The following CFAP74 variants were observed in gnomAD, a reference collection of about 807,000 sequenced individuals.
The protein encoded by CFAP74 is cilia- and flagella-associated protein 74.
CFAP74 carries 124 observed loss-of-function variants against 188.9 expected under a neutral mutation model. The observed-to-expected ratio is 0.66, with a 90% CI of 0.57 to 0.76. The LOEUF (loss-of-function observed/expected upper bound fraction) is 0.76. Among genes scored for constraint, CFAP74 ranks in the 30% least tolerant of loss-of-function variants. CFAP74 has a pLI of 0.00. For synonymous variants in CFAP74, 956 were observed against 916.7 expected (o/e 1.04, Z -0.77); for missense variants, 2,198 against 2,165.2 (o/e 1.02, Z -0.30).
At chr1:1,984,958 C>T in intron 6 of CFAP74, 1 of 175,030 alleles carries the variant, frequency 5.7e-6, no homozygotes, top group Non-Finnish European at 1.2e-5. Context: ...GCTCAGGGTC[C>T]CCTCAGTCGC....
rs754376528 is a variant in CFAP74, at chr1:1,923,885, C to T, written c.4279G>A (p.Val1427Ile). The change falls in exon 35 of 39, where the codon GTC becomes ATC. Residue 1427 changes from valine (V) to isoleucine (I), a missense_variant. Coordinates refer to ENST00000682832, the MANE Select transcript of CFAP74 (RefSeq NM_001304360.2). This position sits in a 1 kb window ranked among gnomAD's most constrained non-coding sequence, Gnocchi z 6.3. ...NGQSVFSVAP[V>I]KGVMDPGKTQ... ...TTCCCGGGGTCCATGACGCCCTTGA[C>T]GGGGGCCACGCTGAACACGCTCTGA... 1.1e-4 allele frequency: 180 copies of T among 1,612,820 alleles called. No individual in the cohort carries two copies. The highest frequency in any genetic ancestry group is 8.2e-4 in the Middle Eastern group (5 of 6,080).
At chr1:1,950,120 A>T (rs1654113538) in intron 18 of CFAP74, among the ~76,000 whole-genome samples, 1 of 152,034 alleles carries the variant, frequency 6.6e-6, no homozygotes, top group Non-Finnish European at 1.5e-5. Flanking sequence ...CAGCATTAGA[A>T]TTCCAGCTGC....
At chr1:1,993,471 A>G (rs1657715651) in intron 1 of CFAP74, among the ~76,000 whole-genome samples, 1 of 151,560 alleles carries the variant, frequency 6.6e-6, no homozygotes, top group African/African-American at 2.4e-5. Flanking sequence ...TTTTCTGTAG[A>G]GACAGGGTTT....
chr1:1,939,121 T>C (rs2102044363), intron 24 of CFAP74, 133 bp from the exon 25 acceptor site: 1 of 933,092 alleles, frequency 1.1e-6, no homozygotes, highest in South Asian at 1.6e-5. Context: ...AGAGTGTCGC[T>C]GTCAACGAGT....
At position 1,945,598 on chromosome 1, in the gene CFAP74, C is replaced by T. The variant is rs926967891; in HGVS notation, c.2364+719G>A. ...ATCCCAGCACTTTGGGAGGCCGAGG[C>T]GGGCGGATCACTTGAGGTCAGGAGT... On this transcript the variant is annotated intron_variant, in intron 20 of 38. Transcript: ENST00000682832. Among the ~76,000 whole-genome samples the T allele has an allele frequency of 4.0e-5, 6 of 151,874 alleles. No individual in the cohort carries two copies. In the East Asian group the frequency reaches 7.7e-4, roughly 20 times the overall value.
rs1390056804 is a variant in CFAP74, at chr1:1,946,972, G to A, written c.2241+18C>T. 2.6e-6 allele frequency: 4 copies of A among 1,530,034 alleles called. No individual in the cohort carries two copies. The highest frequency in any genetic ancestry group is 1.8e-6 in the Non-Finnish European group (2 of 1,141,352). The allele number at this position is 1,530,034 out of a possible 1,614,324, so 94.8% of individuals were successfully genotyped here. A position where few individuals can be genotyped will look rare whatever the true frequency, so the allele number is the denominator to read the frequency against. On this transcript the variant is annotated intron_variant, in intron 19 of 38. Coordinates refer to ENST00000682832, the MANE Select transcript of CFAP74 (RefSeq NM_001304360.2). ...GTCTTGGATCGTGGCAGCTATTTTAGGGCCTGAGCTGGCTGACCTCCCCCA... is the reference window on the plus strand; with the variant it reads ...GTCTTGGATCGTGGCAGCTATTTTAAGGCCTGAGCTGGCTGACCTCCCCCA...
intron 6 of CFAP74, among the ~76,000 whole-genome samples, chr1:1,982,501 C>T (rs1404870784): frequency 6.6e-6 from 1 of 152,270 alleles, no homozygotes; most frequent in Non-Finnish European, 1.5e-5. Flanking sequence ...ACCCTGCAAA[C>T]ATCTGCTGGA....
At position 1,927,757 on chromosome 1, in the gene CFAP74, A is replaced by T; in HGVS notation, c.3388-11T>A. The T allele has an allele frequency of 6.5e-7, 1 of 1,548,322 alleles. No homozygotes were observed. Among genetic ancestry groups the T allele is most frequent in the Non-Finnish European group, 8.7e-7 (1 of 1,145,800 alleles). ...CATATTCTTTCGGAACTGTGGGGGGAGCGACTGGCTGTGGGGCTGTGCAGG... is the reference window on the plus strand; with the variant it reads ...CATATTCTTTCGGAACTGTGGGGGGTGCGACTGGCTGTGGGGCTGTGCAGG... On this transcript the variant is annotated splice_polypyrimidine_tract_variant and intron_variant, in intron 27 of 38. Transcript: ENST00000682832.
In CFAP74 at chr1:1,968,594, C is replaced by G; in HGVS notation, c.1245+41G>C. The G allele has an allele frequency of 6.4e-7, 1 of 1,568,302 alleles. No homozygotes were observed. Among genetic ancestry groups the G allele is most frequent in the Non-Finnish European group, 8.7e-7 (1 of 1,143,200 alleles). ...GCCCTGAGGCCCCACCTGCCCTCCA[C>G]AGGTGTGCGGCTTCTGTCTACAGGA... On this transcript the variant is annotated intron_variant, in intron 11 of 38. Transcript: ENST00000682832. The surrounding 1 kb of genome is among the most constrained non-coding windows in gnomAD (Gnocchi z 4.3).
chr1:1,983,504 C>A (rs1038313620), intron 6 of CFAP74, among the ~76,000 whole-genome samples: 16 of 152,200 alleles, frequency 1.1e-4, no homozygotes, highest in Non-Finnish European at 1.8e-4. Context: ...CTCAGAACCG[C>A]AACGTCCGCC....
chr1:1,940,575 C>G (rs924568210), intron 22 of CFAP74, among the ~76,000 whole-genome samples, 172 bp from the exon 23 acceptor site: 4 of 152,224 alleles, frequency 2.6e-5, no homozygotes, highest in Admixed American at 1.3e-4. Context: ...AACCCACGAG[C>G]ACGTGGCCCC....
intron 31 of CFAP74, 41 bp downstream of exon 31, chr1:1,926,416 T>C: frequency 6.5e-7 from 1 of 1,550,158 alleles, no homozygotes; most frequent in South Asian, 1.2e-5. Context: ...CGGTCCCCGC[T>C]CCCACCCCGC....
chr1:1,985,130 A>G (rs1657149822), intron 6 of CFAP74: 1 of 440,084 alleles, frequency 2.3e-6, no homozygotes, highest in Admixed American at 3.3e-5. Flanking sequence ...AGCACAAAGC[A>G]TGAGAAACGA....
At chr1:1,971,259 G>GCA (rs527619231) in intron 9 of CFAP74, among the ~76,000 whole-genome samples, 1 of 142,100 alleles carries the variant, frequency 7.0e-6, no homozygotes, top group East Asian at 2.2e-4. Flanking sequence ...ACTCACGCAT[G>GCA]CACACACATG....
intron 25 of CFAP74, among the ~76,000 whole-genome samples, chr1:1,936,069 T>C (rs1336110247): frequency 6.6e-6 from 1 of 151,122 alleles, no homozygotes; most frequent in Non-Finnish European, 1.5e-5. Flanking sequence ...AATACAAAAT[T>C]ATCTGGGCGT....
At position 1,956,714 on chromosome 1, in the gene CFAP74, G is replaced by A. The variant is rs370836651; in HGVS notation, c.1922C>T (p.Thr641Met). ...VVGETTSRTI[T>M]LTNVGGLGTT... ...GCCCAAGCCCCCAACGTTGGTCAGC[G>A]TGATGGTCCGAGACGTGGTCTCTCC... The change falls in exon 17 of 39, where the codon ACG becomes ATG. Residue 641 changes from threonine (T) to methionine (M), a missense_variant. Coordinates refer to ENST00000682832, the MANE Select transcript of CFAP74 (RefSeq NM_001304360.2). 6 of 1,613,860 alleles carry A rather than the reference G, an allele frequency of 3.7e-6. No individual in the cohort carries two copies. Among genetic ancestry groups the A allele is most frequent in the East Asian group, 4.5e-5 (2 of 44,880 alleles).
chr1:1,928,660 G>T, intron 27 of CFAP74, 124 bp downstream of exon 27: 1 of 657,002 alleles, frequency 1.5e-6, no homozygotes, highest in Admixed American at 2.8e-5. Context: ...TGCATTGCTT[G>T]GGAAAGGTCT....
rs535793933 is a variant in CFAP74 at position 1,925,668 on chromosome 1, T to G, written c.4104+115A>C. The G allele has an allele frequency of 1.9e-5, 22 of 1,158,712 alleles. No individual in the cohort carries two copies. The African/African-American group carries it at 3.1e-4, about 16-fold the overall frequency. The allele number at this position is 1,158,712 out of a possible 1,614,324, so 71.8% of individuals were successfully genotyped here. ...GAGGAGGGGTAGAGGGGGCCACCTGTGTCCCCACGGGCTCTCCGACCCACG... is the reference window on the plus strand; with the variant it reads ...GAGGAGGGGTAGAGGGGGCCACCTGGGTCCCCACGGGCTCTCCGACCCACG... On this transcript the variant is annotated intron_variant, in intron 33 of 38. Coordinates refer to ENST00000682832, the MANE Select transcript of CFAP74 (RefSeq NM_001304360.2).
In CFAP74 at chr1:1,973,861, A is replaced by C. The variant is rs1656256988; in HGVS notation, c.674+164T>G. On this transcript the variant is annotated intron_variant, in intron 7 of 38. Transcript: ENST00000682832. This position sits in a 1 kb window ranked among gnomAD's most constrained non-coding sequence, Gnocchi z 6.2. ...AGTGCCTGACACTTGGGAAGGACTC[A>C]AGGGCCCGGTGGAGGAGCAAGCTGG... Among the ~76,000 whole-genome samples the C allele has an allele frequency of 6.6e-6, 1 of 151,552 alleles. No individual in the cohort carries two copies.
Sources: gnomAD v4.1 joint callset for allele counts (sites outside exome capture counted in the v4.1 genomes callset) on GRCh38, gnomAD v4.1.1 for gene constraint, Gnocchi (gnomAD v3.1) non-coding constraint, MANE v1.5 for transcripts, NCBI Gene and HGNC (gene_info 2026-07-23, HGNC 2026-07-21) for gene names.